Variants in COG5 observed in about 807,000 individuals in gnomAD.
COG5 encodes component of oligomeric golgi complex 5, also known as conserved oligomeric Golgi complex subunit 5.
Under a neutral mutation model 110.4 loss-of-function variants are expected in COG5, and 86 were observed. That is an observed-to-expected ratio of 0.78 (90% CI 0.65 to 0.93). The LOEUF is 0.93. Among genes scored for constraint, COG5 ranks in the 40% least tolerant of loss-of-function variants. The probability of loss-of-function intolerance (pLI) is 0.00; values close to 1 mark genes in which losing one functional copy is unlikely to be tolerated. For missense variants in COG5, 1,077 were observed against 987.0 expected (o/e 1.09, Z -1.22); for synonymous variants, 360 against 334.6 (o/e 1.08, Z -0.83).
intron 6 of COG5, among the ~76,000 whole-genome samples, chr7:107,523,543 G>A (rs1018862277): frequency 3.9e-5 from 6 of 151,988 alleles, no homozygotes; most frequent in Non-Finnish European, 7.4e-5. Context: ...GGCTGGGCGC[G>A]GTGGTTCACG....
In COG5 at chr7:107,285,106, C is replaced by T. The variant is rs149138719; in HGVS notation, c.1314-1374G>A. Among the ~76,000 whole-genome samples the T allele has an allele frequency of 7.3e-3, 1,117 of 152,250 alleles. 1 individual carries two copies. Among genetic ancestry groups the T allele is most frequent in the Non-Finnish European group, 0.011 (757 of 67,996 alleles). ...CAACACATATTTACTGAGAATACTA[C>T]GCACCAGGCACTTTGTAAAGTGCTG... On this transcript the variant is annotated intron_variant, in intron 12 of 21. Transcript: ENST00000297135.
intron 8 of COG5, 108 bp downstream of exon 8, chr7:107,372,487 A>G: frequency 9.4e-7 from 1 of 1,063,880 alleles, no homozygotes; most frequent in South Asian, 1.4e-5. Context: ...TCTGTCTACT[A>G]AAAAATGAGT....
chr7:107,277,054 A>C (rs749155859), intron 14 of COG5, among the ~76,000 whole-genome samples: 3 of 152,222 alleles, frequency 2.0e-5, no homozygotes, highest in Non-Finnish European at 4.4e-5. Context: ...TTCAAAATTA[A>C]ACTATGAAAT....
chr7:107,454,795 G>A (rs1052309666), intron 6 of COG5, among the ~76,000 whole-genome samples: 2 of 151,984 alleles, frequency 1.3e-5, no homozygotes, highest in African/African-American at 4.8e-5. Context: ...GGTGATGCCT[G>A]CAACACAATG....
At chr7:107,529,611 C>T (rs2129158847) in intron 5 of COG5, among the ~76,000 whole-genome samples, 1 of 152,330 alleles carries the variant, frequency 6.6e-6, no homozygotes, top group Middle Eastern at 3.4e-3. Context: ...GTGGGCAGCC[C>T]ACCCTAAGGG....
At position 107,457,905 on chromosome 7, in the gene COG5, C is replaced by A. The variant is rs551469986; in HGVS notation, c.539-45273G>T. Among the ~76,000 whole-genome samples the A allele has an allele frequency of 7.9e-5, 12 of 152,104 alleles. No individual in the cohort carries two copies. The South Asian group carries it at 2.5e-3, about 32-fold the overall frequency. On this transcript the variant is annotated intron_variant, in intron 6 of 21. Coordinates refer to ENST00000297135, the MANE Select transcript of COG5 (RefSeq NM_006348.5). ...TCCATGAATATCAGTGAACCCCAAG[C>A]AAGGAAGGAGAGTACACACAAAAAA... is the stretch of plus-strand genomic sequence containing the variant.
intron 6 of COG5, among the ~76,000 whole-genome samples, chr7:107,489,357 C>T (rs887700457): frequency 2.6e-5 from 4 of 152,106 alleles, no homozygotes; most frequent in African/African-American, 4.8e-5. Flanking sequence ...AAATGCAGGC[C>T]GCATCAATGG....
chr7:107,412,437 A>T (rs1792369692), intron 7 of COG5, 65 bp downstream of exon 7: 16 of 1,508,112 alleles, frequency 1.1e-5, no homozygotes, highest in Non-Finnish European at 1.2e-5. Context: ...TTTGAACTCA[A>T]AGTCAAATGT....
chr7:107,483,446 C>T (rs1797463661), intron 6 of COG5, among the ~76,000 whole-genome samples: 1 of 152,114 alleles, frequency 6.6e-6, no homozygotes. Context: ...TGGCACATGC[C>T]TGTAATCTCA....
At chr7:107,466,587 T>A (rs1285010478) in intron 6 of COG5, among the ~76,000 whole-genome samples, 1 of 152,198 alleles carries the variant, frequency 6.6e-6, no homozygotes, top group East Asian at 1.9e-4. Context: ...ATGTTGTTGA[T>A]TCTCTACGAC....
At chr7:107,426,927 T>G (rs2129076824) in intron 6 of COG5, among the ~76,000 whole-genome samples, 1 of 152,268 alleles carries the variant, frequency 6.6e-6, no homozygotes, top group East Asian at 1.9e-4. Context: ...AACCCTAACT[T>G]CAGTAAGGAA....
intron 14 of COG5, among the ~76,000 whole-genome samples, chr7:107,271,705 T>C (rs1804287440): frequency 6.6e-6 from 1 of 152,176 alleles, no homozygotes; most frequent in South Asian, 2.1e-4. Context: ...GCTTTAATCA[T>C]GTTCATTGGT....
At chr7:107,530,391 C>T (rs1399493308) in intron 5 of COG5, among the ~76,000 whole-genome samples, 2 of 152,088 alleles carry the variant, frequency 1.3e-5, no homozygotes, top group Non-Finnish European at 2.9e-5. Flanking sequence ...CACCTTAGGT[C>T]GAGAGTTCGA....
At chr7:107,419,123 C>T (rs977284664) in intron 6 of COG5, among the ~76,000 whole-genome samples, 7 of 152,050 alleles carry the variant, frequency 4.6e-5, no homozygotes, top group Non-Finnish European at 1.0e-4. Flanking sequence ...CATACAGTTG[C>T]AGAGTGTTGC....
intron 6 of COG5, among the ~76,000 whole-genome samples, chr7:107,427,388 A>G (rs895081082): frequency 1.1e-4 from 17 of 152,292 alleles, no homozygotes; most frequent in African/African-American, 4.1e-4. Flanking sequence ...ACTCCCTGTG[A>G]AAACACTGCA....
chr7:107,520,114 C>G lies in COG5; in HGVS notation c.538+7123G>C, dbSNP rs139738631. ...TCAACACACCTTCATGTTAAAAACT[C>G]TCAATAAACTAGGTACTGATGGAAC... On this transcript the variant is annotated intron_variant, in intron 6 of 21. Coordinates refer to ENST00000297135, the MANE Select transcript of COG5 (RefSeq NM_006348.5). Among the ~76,000 whole-genome samples, 1,521 of 152,250 alleles carry G rather than the reference C, an allele frequency of 1.0e-2. 28 individuals carry two copies. The highest frequency in any genetic ancestry group is 0.033 in the African/African-American group (1,390 of 41,556).
At chr7:107,207,607 T>C (rs1002573596) in intron 21 of COG5, among the ~76,000 whole-genome samples, 1 of 152,196 alleles carries the variant, frequency 6.6e-6, no homozygotes, top group Admixed American at 6.5e-5. Flanking sequence ...AAAGACTCTA[T>C]CTTTATTGAA....
intron 6 of COG5, among the ~76,000 whole-genome samples, chr7:107,470,954 C>T (rs1796597912): frequency 6.6e-6 from 1 of 151,684 alleles, no homozygotes; most frequent in South Asian, 2.1e-4. Flanking sequence ...AAATTCAAAC[C>T]ATGTGCTAAT....
At chr7:107,442,523 G>A (rs1794775104) in intron 6 of COG5, among the ~76,000 whole-genome samples, 1 of 150,226 alleles carries the variant, frequency 6.7e-6, no homozygotes, top group Non-Finnish European at 1.5e-5. Context: ...ATGCACTAAA[G>A]GTAAACATCA....
Sources: gnomAD v4.1 joint callset for allele counts (sites outside exome capture counted in the v4.1 genomes callset) on GRCh38, gnomAD v4.1.1 for gene constraint, MANE v1.5 for transcripts, NCBI Gene and HGNC (gene_info 2026-07-23, HGNC 2026-07-21) for gene names.